TLE3: variants seen among roughly 807,000 people sequenced by gnomAD.
The protein encoded by TLE3 is TLE family member 3, transcriptional corepressor, also known as transducin-like enhancer protein 3.
Under a neutral mutation model 93.0 loss-of-function variants are expected in TLE3, and 14 were observed. The observed-to-expected ratio is 0.15, with a 90% CI of 0.10 to 0.24. The LOEUF is 0.24. TLE3 is among the 10% of genes least tolerant of loss of function. TLE3 has a pLI of 1.00. For missense variants in TLE3, 693 were observed against 1,046.6 expected, an observed-to-expected ratio of 0.66 and a Z score of 4.66; for synonymous variants, 451 against 425.0, an observed-to-expected ratio of 1.06 and a Z score of -0.75.
chr15:70,089,730 G>A (rs992725728), intron 4 of TLE3, among the ~76,000 whole-genome samples: 14 of 152,206 alleles, frequency 9.2e-5, no homozygotes, highest in Non-Finnish European at 1.2e-4. Flanking sequence ...TCTTTGTCAC[G>A]TTTTTGCCCC....
intron 4 of TLE3, among the ~76,000 whole-genome samples, chr15:70,085,951 C>G (rs995383035): frequency 3.9e-5 from 6 of 152,312 alleles, no homozygotes; most frequent in Non-Finnish European, 7.3e-5. Context: ...AGAGAGAGAT[C>G]AGAGGAAGGG....
intron 6 of TLE3, among the ~76,000 whole-genome samples, chr15:70,067,778 C>T (rs1438814546): frequency 6.6e-6 from 1 of 152,258 alleles, no homozygotes; most frequent in African/African-American, 2.4e-5. Flanking sequence ...AAGTTAACGG[C>T]AGCCACAGAA....
At chr15:70,063,743 C>T (rs1272467256) in intron 8 of TLE3, among the ~76,000 whole-genome samples, 1 of 152,246 alleles carries the variant, frequency 6.6e-6, no homozygotes, top group Admixed American at 6.5e-5. Flanking sequence ...TCACTTGAAA[C>T]AGAACCTCGG....
chr15:70,054,907 G>C, intron 15 of TLE3, 142 bp downstream of exon 15: 1 of 1,310,630 alleles, frequency 7.6e-7, no homozygotes, highest in Non-Finnish European at 1.0e-6. Flanking sequence ...GCACAACTGA[G>C]GCTCAGAGAG....
chr15:70,057,315 G>T, intron 13 of TLE3, 144 bp downstream of exon 13: 2 of 993,452 alleles, frequency 2.0e-6, no homozygotes, highest in Non-Finnish European at 2.9e-6. Flanking sequence ...AGTCTCAATT[G>T]TTTCCGATAC....
chr15:70,055,531 A>C, intron 14 of TLE3: 2 of 454,382 alleles, frequency 4.4e-6, no homozygotes, highest in Non-Finnish European at 3.7e-6. Flanking sequence ...CTTGCTTCAA[A>C]TCAGACCAGA....
In TLE3 at chr15:70,049,032, T is replaced by C. The variant is rs2055297342; in HGVS notation, c.*1065A>G. On this transcript the variant is annotated 3_prime_UTR_variant, in exon 20 of 20. Coordinates refer to ENST00000451782, the MANE Select transcript of TLE3 (RefSeq NM_001105192.3). ...AAAAAAAAAAAGCACCCACATCAGT[T>C]GCTATTTTTCTCTGGTAGCTCCCTG... 6.6e-6 allele frequency: 1 copy of C among 151,636 alleles called. No homozygotes were observed. The highest frequency in any genetic ancestry group is 2.4e-5 in the African/African-American group (1 of 41,316). 9.4% of individuals were successfully genotyped at this position (151,636 alleles called of 1,614,324 possible). A position where few individuals can be genotyped will look rare whatever the true frequency, so the allele number is the denominator to read the frequency against.
intron 6 of TLE3, among the ~76,000 whole-genome samples, chr15:70,071,119 G>C (rs1045518784): frequency 3.9e-5 from 6 of 152,060 alleles, no homozygotes; most frequent in African/African-American, 1.4e-4. Context: ...CGGCTCAAAG[G>C]GTCTTAAATC....
Position 70,096,855 on chromosome 15 carries a change from A to G in TLE3, c.-57T>C. The G allele has an allele frequency of 6.6e-7, 1 of 1,526,084 alleles. No homozygotes were observed. 94.5% of individuals were successfully genotyped at this position (1,526,084 alleles called of 1,614,324 possible). ...GAAGCGCCGAGAGCCCGGGCCGGGGAGGTGCGGGGGAGGGGGGAGCCGAGC... is the reference window on the plus strand; with the variant it reads ...GAAGCGCCGAGAGCCCGGGCCGGGGGGGTGCGGGGGAGGGGGGAGCCGAGC... On this transcript the variant is annotated 5_prime_UTR_variant, in exon 1 of 20. Coordinates refer to ENST00000451782, the MANE Select transcript of TLE3 (RefSeq NM_001105192.3).
At chr15:70,061,353 C>G (rs1010945340) in intron 8 of TLE3, among the ~76,000 whole-genome samples, 3 of 152,096 alleles carry the variant, frequency 2.0e-5, no homozygotes, top group African/African-American at 7.2e-5. Context: ...TAGCCATCAC[C>G]AAGTGGAGAC....
chr15:70,062,353 G>A (rs535764033), intron 8 of TLE3, among the ~76,000 whole-genome samples: 1 of 152,126 alleles, frequency 6.6e-6, no homozygotes, highest in Non-Finnish European at 1.5e-5. Flanking sequence ...CCAGCCCCTC[G>A]CACTGGCTGC....
At chr15:70,056,040 A>C (rs1232775812) in intron 14 of TLE3, 1 of 563,970 alleles carries the variant, frequency 1.8e-6, no homozygotes, top group African/African-American at 1.9e-5. Flanking sequence ...CTCCCAGCCC[A>C]GTGGCCATGT....
At chr15:70,075,718 G>C (rs1567028443) in intron 5 of TLE3, among the ~76,000 whole-genome samples, 2 of 152,148 alleles carry the variant, frequency 1.3e-5, no homozygotes, top group African/African-American at 2.4e-5. Context: ...ATGACCACCT[G>C]GGTCATGCTC....
chr15:70,078,839 T>A (rs1337591391), intron 4 of TLE3, among the ~76,000 whole-genome samples: 1 of 152,170 alleles, frequency 6.6e-6, no homozygotes, highest in Non-Finnish European at 1.5e-5. Context: ...TCTCACAGTC[T>A]CTGGGAGAGC....
intron 8 of TLE3, among the ~76,000 whole-genome samples, chr15:70,061,156 G>A (rs921547739): frequency 6.6e-6 from 1 of 152,160 alleles, no homozygotes. Flanking sequence ...GCGTCAGGCA[G>A]CCACCAACTT....
rs540829269 is a variant in TLE3, at chr15:70,058,366, G to A, written c.919-75C>T. ...CTAGGAGCCGGGCACAACTGGTGCC[G>A]GTCCCAACGTGAAGCCCAGAGCCAG... On this transcript the variant is annotated intron_variant, in intron 11 of 19. Transcript: ENST00000451782. The surrounding 1 kb of genome is among the most constrained non-coding windows in gnomAD (Gnocchi z 4.1). 17 of 1,524,806 alleles carry A rather than the reference G, an allele frequency of 1.1e-5. No individual in the cohort carries two copies. Among genetic ancestry groups the A allele is most frequent in the South Asian group, 3.9e-5 (3 of 76,660 alleles). The allele number at this position is 1,524,806 out of a possible 1,614,324, so 94.5% of individuals were successfully genotyped here. A position where few individuals can be genotyped will look rare whatever the true frequency, so the allele number is the denominator to read the frequency against.
rs180809393 is a variant in TLE3 at position 70,095,343 on chromosome 15, T to G, written c.189+235A>C. ...GGCACATAAAGATAGTACAGAAGTCTCCGGCCTGGAATCGGGGTTTCTCTT... is the reference window on the plus strand; with the variant it reads ...GGCACATAAAGATAGTACAGAAGTCGCCGGCCTGGAATCGGGGTTTCTCTT... On this transcript the variant is annotated intron_variant, in intron 3 of 19. Transcript: ENST00000451782. 4.3e-4 allele frequency: 614 copies of G among 1,427,242 alleles called. 2 individuals carry two copies. The highest frequency in any genetic ancestry group is 1.7e-3 in the South Asian group (114 of 66,900). The allele number at this position is 1,427,242 out of a possible 1,614,324, so 88.4% of individuals were successfully genotyped here. A position where few individuals can be genotyped will look rare whatever the true frequency, so the allele number is the denominator to read the frequency against.
At chr15:70,064,304 T>C in intron 8 of TLE3, 150 bp downstream of exon 8, 1 of 892,570 alleles carries the variant, frequency 1.1e-6, no homozygotes, top group Non-Finnish European at 1.7e-6. Context: ...ACAAAATCCC[T>C]AGTTACAACC....
intron 8 of TLE3, among the ~76,000 whole-genome samples, chr15:70,062,541 TG>T (rs2080804800): frequency 6.6e-6 from 1 of 152,222 alleles, no homozygotes; most frequent in South Asian, 2.1e-4. Flanking sequence ...AGCCCGCCTC[TG>T]GCTGGCAGGC....
Sources: gnomAD v4.1 joint callset for allele counts (sites outside exome capture counted in the v4.1 genomes callset) on GRCh38, gnomAD v4.1.1 for gene constraint, Gnocchi (gnomAD v3.1) non-coding constraint, MANE v1.5 for transcripts, NCBI Gene and HGNC (gene_info 2026-07-23, HGNC 2026-07-21) for gene names.